The following DYNC2H1 variants were observed in gnomAD, a reference collection of about 807,000 sequenced individuals.
DYNC2H1 encodes the protein dynein cytoplasmic 2 heavy chain 1.
A neutral mutation model predicts 570.0 loss-of-function variants in DYNC2H1; 410 were observed. The ratio of observed to expected loss-of-function variants is 0.72; its 90% CI spans 0.66 to 0.78. The LOEUF is 0.78. Among genes scored for constraint, DYNC2H1 ranks in the 30% least tolerant of loss-of-function variants. The pLI is 0.00. For synonymous variants in DYNC2H1, 1,688 were observed against 1,677.6 expected, an observed-to-expected ratio of 1.01 and a Z score of -0.15; for missense variants, 4,865 against 5,046.4, an observed-to-expected ratio of 0.96 and a Z score of 1.09.
intron 87 of DYNC2H1, among the ~76,000 whole-genome samples, chr11:103,467,362 A>G (rs1023052557): frequency 6.6e-6 from 1 of 152,202 alleles, no homozygotes; most frequent in Admixed American, 6.5e-5. Context: ...AAATCATTCA[A>G]AACAATTGGT....
rs766502696 is a variant in DYNC2H1, at chr11:103,134,394, C to G, written c.2180C>G (p.Thr727Ser). 1 of 1,611,732 alleles carries G rather than the reference C, an allele frequency of 6.2e-7. No individual in the cohort carries two copies. Among genetic ancestry groups the G allele is most frequent in the Admixed American group, 1.7e-5 (1 of 59,894 alleles). ...AAAGATGGATTACAAGAATTGAGAA[C>G]TGGCTTAGCAACTGTAGAAGCACAG... ...RWKDGLQELR[T>S]GLATVEAQGF... The change falls in exon 15 of 89, where the codon ACT (threonine) becomes AGT (serine). Residue 727 changes from threonine to serine, a missense_variant. Thr to Ser is a moderately conservative substitution (Grantham distance 58, BLOSUM62 1). Coordinates refer to ENST00000375735, the MANE Select transcript of DYNC2H1 (RefSeq NM_001377.3).
At chr11:103,370,165 C>A (rs1662604776) in intron 83 of DYNC2H1, among the ~76,000 whole-genome samples, 1 of 152,228 alleles carries the variant, frequency 6.6e-6, no homozygotes, top group South Asian at 2.1e-4. Context: ...AAGGGAATAT[C>A]AGTGGTAGTT....
At chr11:103,184,609 C>T (rs978431200) in intron 40 of DYNC2H1, among the ~76,000 whole-genome samples, 4 of 151,902 alleles carry the variant, frequency 2.6e-5, no homozygotes, top group African/African-American at 9.7e-5. Context: ...TGCTCCCTAA[C>T]TTACCTTTTC....
At chr11:103,136,095 T>C (rs1404959750) in intron 17 of DYNC2H1, 147 bp downstream of exon 17, 2 of 616,328 alleles carry the variant, frequency 3.2e-6, no homozygotes, top group Non-Finnish European at 4.9e-6. Flanking sequence ...TAGATACTTA[T>C]ACAACCTAGA....
At chr11:103,174,935 G>T (rs902088816) in intron 36 of DYNC2H1, among the ~76,000 whole-genome samples, 6 of 150,984 alleles carry the variant, frequency 4.0e-5, no homozygotes, top group East Asian at 1.9e-4. Flanking sequence ...GCGGGGTTTG[G>T]GGGGGTGGGG....
intron 12 of DYNC2H1, among the ~76,000 whole-genome samples, chr11:103,126,249 T>G (rs1858991724): frequency 6.6e-6 from 1 of 152,198 alleles, no homozygotes; most frequent in African/African-American, 2.4e-5. Context: ...CTTTTGATAG[T>G]TTGGATCAAT....
At chr11:103,303,317 G>T in intron 76 of DYNC2H1, 64 bp downstream of exon 76, 1 of 1,526,774 alleles carries the variant, frequency 6.5e-7, no homozygotes, top group Admixed American at 1.8e-5. Flanking sequence ...TGATGATATT[G>T]GTCAAATGGA....
chr11:103,387,286 G>T (rs1941926687), intron 83 of DYNC2H1, among the ~76,000 whole-genome samples: 1 of 152,178 alleles, frequency 6.6e-6, no homozygotes, highest in Non-Finnish European at 1.5e-5. Context: ...TCTTTTGGCT[G>T]CATAGATGTC....
At position 103,461,161 on chromosome 11, in the gene DYNC2H1, T is replaced by G. The variant is rs150529766; in HGVS notation, c.12648+4805T>G. Among the ~76,000 whole-genome samples, 504 of 152,364 alleles carry G rather than the reference T, an allele frequency of 3.3e-3. 3 individuals carry two copies. The highest frequency in any genetic ancestry group is 0.012 in the African/African-American group (482 of 41,584). Reference sequence around the variant, plus strand: ...GAAGAAGTCTTTGTAAGGCTTTCACTGTTAGCACTTGGCAAAATTAGTAAG... The same window carrying G: ...GAAGAAGTCTTTGTAAGGCTTTCACGGTTAGCACTTGGCAAAATTAGTAAG... On this transcript the variant is annotated intron_variant, in intron 87 of 88. Transcript: ENST00000375735. This position sits in a 1 kb window ranked among gnomAD's most constrained non-coding sequence, Gnocchi z 4.8.
intron 47 of DYNC2H1, among the ~76,000 whole-genome samples, chr11:103,192,603 G>C (rs1489848659): frequency 6.6e-6 from 1 of 152,066 alleles, no homozygotes; most frequent in African/African-American, 2.4e-5. Context: ...TGATTGTCAT[G>C]ACCTTTTGCC....
chr11:103,283,335 A>G (rs957704659), intron 73 of DYNC2H1, among the ~76,000 whole-genome samples: 9 of 152,098 alleles, frequency 5.9e-5, no homozygotes, highest in African/African-American at 2.2e-4. Context: ...CCCAGCCACC[A>G]TGGTAAGTTA....
chr11:103,209,749 G>A lies in DYNC2H1; in HGVS notation c.8455-127G>A, dbSNP rs916083688. ...TTCTAAAGATTTCTGTATTATTTTT[G>A]TCTCTTAGTCTGGAATGAATCCTAG... On this transcript the variant is annotated intron_variant, in intron 52 of 88. Coordinates refer to ENST00000375735, the MANE Select transcript of DYNC2H1 (RefSeq NM_001377.3). The surrounding 1 kb of genome is among the most constrained non-coding windows in gnomAD (Gnocchi z 4.2). The A allele has an allele frequency of 8.1e-6, 5 of 614,162 alleles. No individual in the cohort carries two copies. The highest frequency in any genetic ancestry group is 7.8e-5 in the African/African-American group (4 of 51,158). 38.0% of individuals were successfully genotyped at this position (614,162 alleles called of 1,614,324 possible).
chr11:103,351,905 C>A (rs1367789132), intron 82 of DYNC2H1, among the ~76,000 whole-genome samples: 1 of 152,040 alleles, frequency 6.6e-6, no homozygotes, highest in African/African-American at 2.4e-5. Flanking sequence ...GTATTTTTAA[C>A]TTCTAATTTA....
At chr11:103,206,712 C>A (rs1488869502) in intron 52 of DYNC2H1, among the ~76,000 whole-genome samples, 1 of 152,006 alleles carries the variant, frequency 6.6e-6, no homozygotes, top group East Asian at 1.9e-4. Flanking sequence ...TAGATAAGGA[C>A]TAGGAATTGA....
At chr11:103,411,329 A>G (rs1232668885) in intron 84 of DYNC2H1, among the ~76,000 whole-genome samples, 2 of 152,120 alleles carry the variant, frequency 1.3e-5, no homozygotes, top group African/African-American at 2.4e-5. Context: ...TCAAGGTATC[A>G]TATCAGTATT....
intron 18 of DYNC2H1, 33 bp from the exon 19 acceptor site, chr11:103,147,739 C>T: frequency 7.4e-7 from 1 of 1,349,118 alleles, no homozygotes; most frequent in Non-Finnish European, 1.0e-6. Flanking sequence ...TTAGTCTTTT[C>T]CATGTCAAAA....
intron 74 of DYNC2H1, among the ~76,000 whole-genome samples, chr11:103,287,106 C>G (rs1866381713): frequency 6.6e-6 from 1 of 152,052 alleles, no homozygotes; most frequent in African/African-American, 2.4e-5. Context: ...TGCACCACTG[C>G]ACTCCAGCCT....
intron 84 of DYNC2H1, among the ~76,000 whole-genome samples, chr11:103,430,773 A>G (rs1943859828): frequency 6.6e-6 from 1 of 152,058 alleles, no homozygotes. Flanking sequence ...AAGACTATTC[A>G]TTTACCTTCT....
intron 12 of DYNC2H1, among the ~76,000 whole-genome samples, chr11:103,127,382 T>G (rs746967661): frequency 1.3e-5 from 2 of 152,220 alleles, no homozygotes; most frequent in Non-Finnish European, 2.9e-5. Context: ...GTTGGATAGA[T>G]AGCAGTATGG....
Sources: gnomAD v4.1 joint callset for allele counts (sites outside exome capture counted in the v4.1 genomes callset) on GRCh38, gnomAD v4.1.1 for gene constraint, Gnocchi (gnomAD v3.1) non-coding constraint, MANE v1.5 for transcripts, NCBI Gene and HGNC (gene_info 2026-07-23, HGNC 2026-07-21) for gene names.